Variants in RBMS1 observed in about 807,000 individuals in gnomAD.
RBMS1 encodes RNA binding motif single stranded interacting protein 1.
Under a neutral mutation model 62.3 loss-of-function variants are expected in RBMS1, and 17 were observed. The observed-to-expected ratio is 0.27, with a 90% CI of 0.19 to 0.41. RBMS1 has a LOEUF of 0.41. RBMS1 is among the 10% of genes least tolerant of loss of function. RBMS1 has a pLI of 1.00. For missense variants in RBMS1, 334 were observed against 504.5 expected (o/e 0.66, Z 3.24); for synonymous variants, 172 against 170.0 (o/e 1.01, Z -0.09).
At chr2:160,402,626 A>C (rs138451704) in intron 1 of RBMS1, among the ~76,000 whole-genome samples, 1 of 152,312 alleles carries the variant, frequency 6.6e-6, no homozygotes, top group African/African-American at 2.4e-5. Context: ...TACAATTCCC[A>C]CATCTGAAAT....
chr2:160,415,051 C>G (rs1326930431), intron 1 of RBMS1, among the ~76,000 whole-genome samples: 1 of 151,738 alleles, frequency 6.6e-6, no homozygotes, highest in Admixed American at 6.6e-5. Flanking sequence ...GTCCATTTTT[C>G]ATATATTGTG....
At chr2:160,399,767 C>T (rs933727471) in intron 1 of RBMS1, among the ~76,000 whole-genome samples, 45 of 151,992 alleles carry the variant, frequency 3.0e-4, no homozygotes, top group Middle Eastern at 3.4e-3. Flanking sequence ...AGGCAGTTCT[C>T]CAAAGAGGAG....
intron 1 of RBMS1, among the ~76,000 whole-genome samples, chr2:160,479,338 G>A (rs370682747): frequency 2.0e-5 from 3 of 152,230 alleles, no homozygotes; most frequent in African/African-American, 7.2e-5. Flanking sequence ...AGACACATGA[G>A]AGCAAGGCAG....
chr2:160,484,513 C>CA, intron 1 of RBMS1, among the ~76,000 whole-genome samples: 1 of 150,208 alleles, frequency 6.7e-6, no homozygotes, highest in South Asian at 2.1e-4. Flanking sequence ...ACAACAACAA[C>CA]AAAAAAATGT....
intron 2 of RBMS1, among the ~76,000 whole-genome samples, chr2:160,340,575 G>A (rs1326888189): frequency 1.3e-5 from 2 of 152,112 alleles, no homozygotes; most frequent in East Asian, 3.9e-4. Context: ...ACTTGAAAAA[G>A]ATCTGAGGCA....
Position 160,272,787 on chromosome 2 carries a change from T to C in RBMS1, c.*1985A>G, listed in dbSNP as rs1687647071. 3.9e-5 allele frequency: 6 copies of C among 152,250 alleles called. No individual in the cohort carries two copies. Among genetic ancestry groups the C allele is most frequent in the Admixed American group, 3.9e-4 (6 of 15,286 alleles). 9.4% of individuals were successfully genotyped at this position (152,250 alleles called of 1,614,324 possible). A position where few individuals can be genotyped will look rare whatever the true frequency, so the allele number is the denominator to read the frequency against. On this transcript the variant is annotated 3_prime_UTR_variant, in exon 14 of 14. Transcript: ENST00000348849. Reference sequence around the variant, plus strand: ...CAAAAACAAAAACACATTTCTCTTATGACTATGTAATTTTCACTAGAATCT... The same window carrying C: ...CAAAAACAAAAACACATTTCTCTTACGACTATGTAATTTTCACTAGAATCT...
At chr2:160,488,366 C>A (rs7424023) in intron 1 of RBMS1, among the ~76,000 whole-genome samples, 9 of 151,992 alleles carry the variant, frequency 5.9e-5, no homozygotes, top group African/African-American at 1.9e-4. Context: ...TCACGAGGTC[C>A]GGAGTTCAAG....
intron 2 of RBMS1, among the ~76,000 whole-genome samples, chr2:160,327,762 A>G (rs1691033767): frequency 6.6e-6 from 1 of 152,146 alleles, no homozygotes; most frequent in Non-Finnish European, 1.5e-5. Flanking sequence ...CGAAAATGAA[A>G]CCCAGAATTT....
intron 1 of RBMS1, among the ~76,000 whole-genome samples, chr2:160,469,854 G>C (rs1429514429): frequency 6.6e-6 from 1 of 152,172 alleles, no homozygotes; most frequent in Non-Finnish European, 1.5e-5. Context: ...ACCTCGTAAT[G>C]AATAGACACA....
chr2:160,370,939 T>C (rs575779843), intron 1 of RBMS1, among the ~76,000 whole-genome samples: 26 of 152,186 alleles, frequency 1.7e-4, no homozygotes, highest in Non-Finnish European at 3.2e-4. Flanking sequence ...AAAACAAAGA[T>C]TAGCTCTTAA....
chr2:160,297,874 G>A (rs1406770267), intron 6 of RBMS1, among the ~76,000 whole-genome samples: 1 of 152,194 alleles, frequency 6.6e-6, no homozygotes, highest in Non-Finnish European at 1.5e-5. Flanking sequence ...GCAGAAGTAG[G>A]CAAGGGCTCC....
At chr2:160,376,784 T>C (rs1694022931) in intron 1 of RBMS1, among the ~76,000 whole-genome samples, 1 of 151,930 alleles carries the variant, frequency 6.6e-6, no homozygotes, top group Non-Finnish European at 1.5e-5. Context: ...AATAGGAGCA[T>C]GCCATCGCGT....
At chr2:160,331,255 A>G (rs759194349) in intron 2 of RBMS1, among the ~76,000 whole-genome samples, 1 of 152,160 alleles carries the variant, frequency 6.6e-6, no homozygotes, top group Non-Finnish European at 1.5e-5. Flanking sequence ...ATATCGCTAT[A>G]CAGGTCCCTG....
At chr2:160,331,368 T>C (rs568779387) in intron 2 of RBMS1, among the ~76,000 whole-genome samples, 1 of 152,282 alleles carries the variant, frequency 6.6e-6, no homozygotes, top group East Asian at 1.9e-4. Flanking sequence ...TTCTCTAGCA[T>C]TTTCCGACCT....
intron 9 of RBMS1, chr2:160,282,232 G>C (rs1463214183): frequency 7.3e-7 from 1 of 1,366,390 alleles, no homozygotes; most frequent in Non-Finnish European, 9.8e-7. Context: ...GAAGAGTCAT[G>C]GGGGAAGAAT....
rs35458527 is a variant in RBMS1 at position 160,433,111 on chromosome 2, T to TA, written c.75+60177dup. ...CTCTCACTGGTTTTGATACGAATAT[T>TA]AAAAAAAAAAAAAATCTTTAGACTG... On this transcript the variant is annotated intron_variant, in intron 1 of 13. Transcript: ENST00000348849. 1.9e-3 allele frequency among the ~76,000 whole-genome samples: 272 copies of TA among 146,952 alleles called. 2 individuals are homozygous for TA. The highest frequency in any genetic ancestry group is 5.6e-3 in the African/African-American group (222 of 39,614).
chr2:160,385,293 T>C (rs1162145531), intron 1 of RBMS1, among the ~76,000 whole-genome samples: 1 of 152,120 alleles, frequency 6.6e-6, no homozygotes, highest in African/African-American at 2.4e-5. Flanking sequence ...AATCAGCCTA[T>C]ACATATAAAG....
intron 3 of RBMS1, among the ~76,000 whole-genome samples, chr2:160,313,851 T>C (rs78122689): frequency 6.6e-5 from 10 of 152,252 alleles, no homozygotes; most frequent in Non-Finnish European, 1.3e-4. Context: ...CTGGGGAAAA[T>C]GCCTCAAGAC....
chr2:160,455,845 G>A (rs1684203535), intron 1 of RBMS1, among the ~76,000 whole-genome samples: 1 of 151,712 alleles, frequency 6.6e-6, no homozygotes, highest in Non-Finnish European at 1.5e-5. Context: ...TACCACGCCC[G>A]GCTAATTTTT....
Sources: allele counts gnomAD v4.1 joint callset (sites outside exome capture counted in the v4.1 genomes callset), GRCh38; gene constraint gnomAD v4.1.1; transcripts MANE v1.5; gene names NCBI Gene and HGNC (gene_info 2026-07-23, HGNC 2026-07-21).